Variants in GAREM1 observed in about 807,000 individuals in gnomAD.
The protein encoded by GAREM1 is GRB2 associated regulator of MAPK1 subtype 1.
In GAREM1, 26 loss-of-function variants were observed where a neutral mutation model predicts 71.3. That is an observed-to-expected ratio of 0.36 (90% CI 0.27 to 0.51). The LOEUF (loss-of-function observed/expected upper bound fraction) is 0.51, where lower values mean the gene tolerates loss of function less well. Among genes scored for constraint, GAREM1 ranks in the 20% least tolerant of loss-of-function variants. The pLI is 0.95. For synonymous variants in GAREM1, 440 were observed against 433.2 expected (o/e 1.02, Z -0.20); for missense variants, 1,026 against 1,103.1 (o/e 0.93, Z 0.99).
chr18:32,394,326 C>A (rs923314737), intron 1 of GAREM1, among the ~76,000 whole-genome samples: 3 of 152,064 alleles, frequency 2.0e-5, no homozygotes, highest in African/African-American at 7.2e-5. Context: ...CGCTTGAGCC[C>A]GGGAGGTGGA....
intron 3 of GAREM1, among the ~76,000 whole-genome samples, chr18:32,291,215 T>TA (rs113147103): frequency 3.6e-5 from 5 of 137,398 alleles, no homozygotes; most frequent in East Asian, 4.3e-4. Context: ...TATTGTTAAA[T>TA]AAAAAAAAAT....
chr18:32,391,018 G>A (rs2048190936), intron 2 of GAREM1, among the ~76,000 whole-genome samples: 1 of 152,134 alleles, frequency 6.6e-6, no homozygotes, highest in African/African-American at 2.4e-5. Context: ...TTTTAGAATT[G>A]GTATAACTTG....
intron 2 of GAREM1, among the ~76,000 whole-genome samples, chr18:32,317,131 G>A (rs1205220402): frequency 2.0e-5 from 3 of 152,278 alleles, no homozygotes; most frequent in Admixed American, 6.5e-5. Flanking sequence ...TGGGCCAGGC[G>A]CGGTGGCTCA....
At chr18:32,286,559 G>A (rs9960751) in intron 4 of GAREM1, among the ~76,000 whole-genome samples, 7,634 of 152,082 alleles carry the variant, frequency 0.05, 338 homozygotes, top group African/African-American at 0.11. Context: ...AAAAATCTAG[G>A]AGTTTTCTTT....
At chr18:32,374,191 C>T (rs1189662928) in intron 2 of GAREM1, among the ~76,000 whole-genome samples, 1 of 152,220 alleles carries the variant, frequency 6.6e-6, no homozygotes, top group East Asian at 1.9e-4. Flanking sequence ...AAAAGTGACA[C>T]TCTGCTAAAG....
intron 2 of GAREM1, among the ~76,000 whole-genome samples, chr18:32,346,535 G>T (rs1567973377): frequency 6.6e-6 from 1 of 152,166 alleles, no homozygotes; most frequent in Non-Finnish European, 1.5e-5. Flanking sequence ...TCGATGATTG[G>T]TTTGTTTCAC....
chr18:32,432,427 T>A (rs923776766), intron 1 of GAREM1, among the ~76,000 whole-genome samples: 1 of 151,978 alleles, frequency 6.6e-6, no homozygotes, highest in Non-Finnish European at 1.5e-5. Context: ...GAAAAATGTT[T>A]TAAAGAGTTT....
At chr18:32,420,755 G>GAAA (rs10683034) in intron 1 of GAREM1, among the ~76,000 whole-genome samples, 1,683 of 123,192 alleles carry the variant, frequency 0.014, 40 homozygotes, top group African/African-American at 0.045. Flanking sequence ...CTTCAAAAAT[G>GAAA]AAAAAAAAAA....
chr18:32,363,545 C>G (rs996109380), intron 2 of GAREM1, among the ~76,000 whole-genome samples: 2 of 152,142 alleles, frequency 1.3e-5, no homozygotes, highest in East Asian at 3.9e-4. Context: ...CCTTTTTGAA[C>G]CGGGCACTGA....
chr18:32,282,860 A>T (rs2046968854), intron 4 of GAREM1, among the ~76,000 whole-genome samples: 3 of 152,238 alleles, frequency 2.0e-5, no homozygotes, highest in Admixed American at 2.0e-4. Context: ...GGAAAAGAAG[A>T]TTGCTCTTGA....
chr18:32,357,572 GGAA>G (rs960882296), intron 2 of GAREM1, among the ~76,000 whole-genome samples: 1 of 152,176 alleles, frequency 6.6e-6, no homozygotes, highest in African/African-American at 2.4e-5. Flanking sequence ...TTACAGACTG[GGAA>G]GAAGGAAGGC....
intron 2 of GAREM1, among the ~76,000 whole-genome samples, chr18:32,330,419 G>A (rs1442718133): frequency 6.6e-6 from 1 of 152,066 alleles, no homozygotes; most frequent in African/African-American, 2.4e-5. Context: ...ACTTACATGG[G>A]TGACAGGATC....
rs1555648700 is a variant in GAREM1 at position 32,457,224 on chromosome 18, A to ATGTGT, written c.121+13083_121+13084insACACA. On this transcript the variant is annotated intron_variant, in intron 1 of 5. Coordinates refer to ENST00000269209, the MANE Select transcript of GAREM1 (RefSeq NM_001242409.2). ...TAGGGGGGGAGAGAGAGAGAGAGAG[A>ATGTGT]GAGTGTGTGTGTGTGTGTGTGTGTG... Among the ~76,000 whole-genome samples the ATGTGT allele has an allele frequency of 2.9e-3, 313 of 107,404 alleles. 6 individuals are homozygous for ATGTGT. Among genetic ancestry groups the ATGTGT allele is most frequent in the African/African-American group, 8.7e-3 (236 of 26,988 alleles). The allele number at this position is 107,404 out of a possible 152,430, so 70.5% of individuals were successfully genotyped here.
intron 1 of GAREM1, among the ~76,000 whole-genome samples, chr18:32,407,765 C>T (rs1264140684): frequency 6.6e-6 from 1 of 152,076 alleles, no homozygotes; most frequent in Admixed American, 6.6e-5. Flanking sequence ...CAAGAAATAG[C>T]AACAACTGAG....
At chr18:32,468,892 T>C (rs1272787803) in intron 1 of GAREM1, among the ~76,000 whole-genome samples, 1 of 151,738 alleles carries the variant, frequency 6.6e-6, no homozygotes, top group Admixed American at 6.6e-5. Context: ...CTGCAGATGC[T>C]ATTTAAAGCA....
chr18:32,351,354 G>A (rs1419342812), intron 2 of GAREM1, among the ~76,000 whole-genome samples: 20 of 152,224 alleles, frequency 1.3e-4, no homozygotes, highest in Admixed American at 1.3e-3. Flanking sequence ...TATCAGCAGA[G>A]AAGGCCTATG....
Position 32,417,742 on chromosome 18 carries a change from A to C in GAREM1, c.122-24707T>G, listed in dbSNP as rs117267782. ...GGTTGGGAAAGGTAGTGGGGGTGGG[A>C]GGAAGGTGGGGATGGTTAATGGACA... On this transcript the variant is annotated intron_variant, in intron 1 of 5. Transcript: ENST00000269209. Among the ~76,000 whole-genome samples, 177 of 152,220 alleles carry C rather than the reference A, an allele frequency of 1.2e-3. 1 individual carries two copies. The East Asian group carries it at 0.029, about 25-fold the overall frequency.
At chr18:32,453,120 C>T (rs1238463517) in intron 1 of GAREM1, among the ~76,000 whole-genome samples, 1 of 151,950 alleles carries the variant, frequency 6.6e-6, no homozygotes, top group Non-Finnish European at 1.5e-5. Context: ...AAGTGAAAGG[C>T]ACGTCTTACG....
At chr18:32,296,343 T>C in intron 3 of GAREM1, among the ~76,000 whole-genome samples, 1 of 152,224 alleles carries the variant, frequency 6.6e-6, no homozygotes, top group Admixed American at 6.5e-5. Context: ...TTTACCTAGC[T>C]TCTGTTAACA....
Sources: gnomAD v4.1 joint callset for allele counts (sites outside exome capture counted in the v4.1 genomes callset) on GRCh38, gnomAD v4.1.1 for gene constraint, MANE v1.5 for transcripts, NCBI Gene and HGNC (gene_info 2026-07-23, HGNC 2026-07-21) for gene names.